The following SLC25A48 variants were observed in gnomAD, a reference collection of about 807,000 sequenced individuals.
SLC25A48 encodes the protein solute carrier family 25 member 48.
In SLC25A48, 29 loss-of-function variants were observed where a neutral mutation model predicts 32.2. The observed-to-expected ratio is 0.90, with a 90% CI of 0.67 to 1.23. The LOEUF (loss-of-function observed/expected upper bound fraction) is 1.23, where lower values mean the gene tolerates loss of function less well. SLC25A48 is among the 50% of genes most tolerant of loss of function. The pLI, the probability that SLC25A48 is intolerant of heterozygous loss-of-function variation, is 0.00. For missense variants in SLC25A48, 399 were observed against 422.7 expected (o/e 0.94, Z 0.49); for synonymous variants, 164 against 172.3 (o/e 0.95, Z 0.38).
chr5:135,813,112 C>T (rs1332656576), intron 4 of SLC25A48: 5 of 152,368 alleles, frequency 3.3e-5, no homozygotes, highest in Non-Finnish European at 7.3e-5. Context: ...CTTTTGAAGA[C>T]TCCTGGCTCA....
intron 1 of SLC25A48, among the ~76,000 whole-genome samples, chr5:135,599,462 TG>T (rs1432467851): frequency 1.3e-5 from 2 of 152,162 alleles, no homozygotes; most frequent in Non-Finnish European, 2.9e-5. Flanking sequence ...TCTTCTTCCT[TG>T]GCCATGCATA....
intron 4 of SLC25A48, among the ~76,000 whole-genome samples, chr5:135,818,386 C>G (rs923267797): frequency 6.6e-6 from 1 of 152,128 alleles, no homozygotes; most frequent in African/African-American, 2.4e-5. Context: ...TGGGATAGAT[C>G]TAAACCAGAA....
At chr5:135,752,569 T>C (rs1407384840) in intron 3 of SLC25A48, among the ~76,000 whole-genome samples, 1 of 151,404 alleles carries the variant, frequency 6.6e-6, no homozygotes, top group Non-Finnish European at 1.5e-5. Flanking sequence ...ATATTAGGAG[T>C]AGTATCTTCC....
At chr5:135,734,220 G>C (rs1242854162) in intron 3 of SLC25A48, among the ~76,000 whole-genome samples, 3 of 152,116 alleles carry the variant, frequency 2.0e-5, no homozygotes, top group Non-Finnish European at 4.4e-5. Context: ...GGGTTAAGGT[G>C]GGGGGATACG....
intron 3 of SLC25A48, among the ~76,000 whole-genome samples, chr5:135,788,786 T>C (rs1419565203): frequency 6.7e-6 from 1 of 149,128 alleles, no homozygotes; most frequent in Non-Finnish European, 1.5e-5. Flanking sequence ...GAGAGGGTAA[T>C]ATTACTCCCC....
At chr5:135,653,775 T>C (rs1028518095) in intron 3 of SLC25A48, 5 of 456,074 alleles carry the variant, frequency 1.1e-5, no homozygotes, top group Admixed American at 4.7e-5. Flanking sequence ...CAGTAGGCCA[T>C]GTCCATGATG....
intron 3 of SLC25A48, among the ~76,000 whole-genome samples, chr5:135,745,498 TG>T (rs963637236): frequency 4.6e-5 from 7 of 152,072 alleles, no homozygotes; most frequent in Non-Finnish European, 1.0e-4. Flanking sequence ...TGGCCAGATG[TG>T]GGGGGCCTGT....
rs115960593 is a variant in SLC25A48 at position 135,814,676 on chromosome 5, C to T, written c.-117+1750C>T. The stretch of plus-strand genomic sequence containing the variant: ...ACCCAGACACACTGACCTCAAGTGC[C>T]GCATCTCCAGGATGGTGCTCTGAAT... On this transcript the variant is annotated intron_variant, in intron 4 of 10. Transcript: ENST00000646290. 7.1e-3 allele frequency among the ~76,000 whole-genome samples: 1,089 copies of T among 152,320 alleles called. 12 individuals carry two copies. Among genetic ancestry groups the T allele is most frequent in the African/African-American group, 0.024 (1,011 of 41,560 alleles).
chr5:135,825,528 G>T (rs1364868541), intron 4 of SLC25A48, among the ~76,000 whole-genome samples: 1 of 152,200 alleles, frequency 6.6e-6, no homozygotes, highest in Non-Finnish European at 1.5e-5. Context: ...CTGTAGAGCA[G>T]ACATGGGCCT....
chr5:135,707,406 C>T (rs982682953), intron 3 of SLC25A48, among the ~76,000 whole-genome samples: 5 of 152,306 alleles, frequency 3.3e-5, no homozygotes, highest in South Asian at 2.1e-4. Context: ...AGTCTGCAAG[C>T]GCCTTTGTGA....
intron 5 of SLC25A48, among the ~76,000 whole-genome samples, chr5:135,873,483 C>T (rs566490395): frequency 1.1e-3 from 172 of 152,092 alleles, no homozygotes; most frequent in African/African-American, 3.9e-3. Context: ...TTTTTGCAAC[C>T]CCCAGGCTGG....
chr5:135,701,092 A>C (rs1754384979), intron 3 of SLC25A48, among the ~76,000 whole-genome samples: 1 of 152,110 alleles, frequency 6.6e-6, no homozygotes. Flanking sequence ...GAGTATTGTC[A>C]GCCACCAGTT....
intron 3 of SLC25A48, among the ~76,000 whole-genome samples, chr5:135,801,374 G>A (rs1373571433): frequency 2.0e-5 from 3 of 151,088 alleles, no homozygotes; most frequent in African/African-American, 4.9e-5. Context: ...TCTCAATATC[G>A]TAGGGGGTGT....
chr5:135,764,465 C>T (rs1756150935), intron 3 of SLC25A48, among the ~76,000 whole-genome samples: 1 of 151,608 alleles, frequency 6.6e-6, no homozygotes, highest in Non-Finnish European at 1.5e-5. Context: ...GGGTTGTACA[C>T]CCCACTGTGA....
chr5:135,715,702 TCC>T (rs1242201537), intron 3 of SLC25A48, among the ~76,000 whole-genome samples: 9 of 152,360 alleles, frequency 5.9e-5, no homozygotes, highest in African/African-American at 2.2e-4. Context: ...AAACTACTAA[TCC>T]GTCAGCTCTA....
At chr5:135,808,048 AT>A (rs1757504271) in intron 3 of SLC25A48, among the ~76,000 whole-genome samples, 1 of 151,102 alleles carries the variant, frequency 6.6e-6, no homozygotes, top group Admixed American at 6.6e-5. Context: ...ATATAAAGAT[AT>A]TTTCTCAATA....
At chr5:135,765,996 C>T (rs114204309) in intron 3 of SLC25A48, among the ~76,000 whole-genome samples, 1,850 of 123,460 alleles carry the variant, frequency 0.015, 38 homozygotes, top group African/African-American at 0.043. Context: ...GTATCCAAGG[C>T]GGGAGAGGGT....
intron 3 of SLC25A48, among the ~76,000 whole-genome samples, chr5:135,723,668 A>G (rs924186902): frequency 3.3e-5 from 5 of 152,170 alleles, no homozygotes; most frequent in African/African-American, 1.2e-4. Context: ...GCCTGCCTGT[A>G]AGCAGACATG....
chr5:135,716,861 C>T (rs556724503), intron 3 of SLC25A48, among the ~76,000 whole-genome samples: 1 of 152,344 alleles, frequency 6.6e-6, no homozygotes, highest in Admixed American at 6.5e-5. Context: ...CAGCATCTCT[C>T]AGCCTTTTTT....
Sources: gnomAD v4.1 joint callset for allele counts (sites outside exome capture counted in the v4.1 genomes callset) on GRCh38, gnomAD v4.1.1 for gene constraint, MANE v1.5 for transcripts, NCBI Gene and HGNC (gene_info 2026-07-23, HGNC 2026-07-21) for gene names.